GNAO1: variants seen among roughly 807,000 people sequenced by gnomAD.
The protein encoded by GNAO1 is G protein subunit alpha o1, also known as guanine nucleotide-binding protein G(o) subunit alpha.
For missense variants in GNAO1, 166 were observed against 478.7 expected (o/e 0.35, Z 6.10); for synonymous variants, 164 against 180.7 (o/e 0.91, Z 0.74).
intron 2 of GNAO1, among the ~76,000 whole-genome samples, chr16:56,218,342 A>G (rs2036453980): frequency 6.6e-6 from 1 of 152,174 alleles, no homozygotes; most frequent in Non-Finnish European, 1.5e-5. Flanking sequence ...TTGAGGACAG[A>G]CCATCACCCA....
chr16:56,246,276 C>T (rs1210682228), intron 2 of GNAO1, among the ~76,000 whole-genome samples: 2 of 152,216 alleles, frequency 1.3e-5, no homozygotes, highest in African/African-American at 4.8e-5. Context: ...CAGTCGTTAA[C>T]CTTTCTTCAA....
chr16:56,314,641 G>A (rs373775964), intron 3 of GNAO1, among the ~76,000 whole-genome samples: 9 of 152,330 alleles, frequency 5.9e-5, no homozygotes, highest in Middle Eastern at 3.4e-3. Flanking sequence ...TCTGCAGCCC[G>A]GCGCCGAGTC....
At chr16:56,275,895 C>T (rs772342375) in intron 2 of GNAO1, 36 bp from the exon 3 acceptor site, 14 of 1,579,806 alleles carry the variant, frequency 8.9e-6, no homozygotes, top group Admixed American at 5.2e-5. Context: ...GAGGACAATG[C>T]TCTCATCAGG....
chr16:56,220,384 T>C (rs1052395924), intron 2 of GNAO1, among the ~76,000 whole-genome samples: 4 of 152,234 alleles, frequency 2.6e-5, no homozygotes, highest in South Asian at 2.1e-4. Flanking sequence ...CCAGGTTCCC[T>C]GGTAAGTCCA....
intron 3 of GNAO1, among the ~76,000 whole-genome samples, chr16:56,291,695 G>T (rs1358009808): frequency 2.6e-5 from 4 of 152,220 alleles, no homozygotes; most frequent in East Asian, 1.9e-4. Context: ...ACCTTAGAAT[G>T]GGTAATTTAG....
In GNAO1 at chr16:56,225,633, G is replaced by A. The variant is rs1596807490; in HGVS notation, c.161+33017G>A. Among the ~76,000 whole-genome samples, 15 of 152,272 alleles carry A rather than the reference G, an allele frequency of 9.9e-5. No individual in the cohort carries two copies. The South Asian group carries it at 3.1e-3, about 32-fold the overall frequency. On this transcript the variant is annotated intron_variant, in intron 2 of 8. Coordinates refer to ENST00000262493, the MANE Select transcript of GNAO1 (RefSeq NM_020988.3). Reference sequence around the variant, plus strand: ...TAATGGGAGGGTGGAGTTCATTCTGGTGGATAGGGAATCAATAAAACAGGG... The same window carrying A: ...TAATGGGAGGGTGGAGTTCATTCTGATGGATAGGGAATCAATAAAACAGGG...
chr16:56,339,530 G>C (rs1215881326), intron 6 of GNAO1, among the ~76,000 whole-genome samples: 1 of 152,260 alleles, frequency 6.6e-6, no homozygotes, highest in Non-Finnish European at 1.5e-5. Context: ...GGTCAGCGCT[G>C]TGCATCCCTC....
chr16:56,341,889 G>A (rs537753046), intron 6 of GNAO1, among the ~76,000 whole-genome samples: 6 of 152,322 alleles, frequency 3.9e-5, no homozygotes, highest in Non-Finnish European at 7.4e-5. Context: ...CCCTCAGCCC[G>A]ACCTGCCCTG....
chr16:56,256,722 G>C (rs9972771), intron 2 of GNAO1, among the ~76,000 whole-genome samples: 5,019 of 48,860 alleles, frequency 0.1, 105 homozygotes, highest in South Asian at 0.15. Flanking sequence ...CTCTCTCTGT[G>C]TGTGTGTGTG....
intron 3 of GNAO1, among the ~76,000 whole-genome samples, chr16:56,295,097 G>A (rs575050857): frequency 6.6e-6 from 1 of 152,150 alleles, no homozygotes. Flanking sequence ...ATGGTAAATG[G>A]TTTGTTTAAT....
chr16:56,322,294 T>C (rs954378654), intron 3 of GNAO1, among the ~76,000 whole-genome samples: 6 of 152,198 alleles, frequency 3.9e-5, no homozygotes, highest in Non-Finnish European at 8.8e-5. Flanking sequence ...ACATCTCATA[T>C]GGCCTGGGCA....
chr16:56,292,746 T>C (rs1354725935), intron 3 of GNAO1, among the ~76,000 whole-genome samples: 1 of 152,238 alleles, frequency 6.6e-6, no homozygotes, highest in Non-Finnish European at 1.5e-5. Context: ...AGCTCTGCTG[T>C]CCTGTTTGAT....
intron 2 of GNAO1, among the ~76,000 whole-genome samples, chr16:56,269,660 G>A (rs1325589681): frequency 2.0e-5 from 3 of 152,162 alleles, no homozygotes; most frequent in African/African-American, 4.8e-5. Context: ...GAGGAGGAGC[G>A]GCAGTCCAGT....
At chr16:56,343,834 AAAG>A in intron 6 of GNAO1, 2 of 1,575,480 alleles carry the variant, frequency 1.3e-6, no homozygotes, top group Non-Finnish European at 1.7e-6. Flanking sequence ...GTCAGCCCAC[AAAG>A]AGATCTACAC....
chr16:56,304,877 A>G (rs1463605874), intron 3 of GNAO1, among the ~76,000 whole-genome samples: 1 of 152,248 alleles, frequency 6.6e-6, no homozygotes, highest in Non-Finnish European at 1.5e-5. Context: ...ACTCAGCTGA[A>G]TAGGTGGGTG....
At chr16:56,286,494 C>T (rs2037169975) in intron 3 of GNAO1, among the ~76,000 whole-genome samples, 1 of 152,166 alleles carries the variant, frequency 6.6e-6, no homozygotes, top group Non-Finnish European at 1.5e-5. Flanking sequence ...CATCTCTCCA[C>T]TCTGCCGCAC....
chr16:56,274,977 T>C (rs998826324), intron 2 of GNAO1, among the ~76,000 whole-genome samples: 3 of 152,238 alleles, frequency 2.0e-5, no homozygotes, highest in Admixed American at 1.3e-4. Flanking sequence ...CATTTTCTCC[T>C]GCATGAAAGT....
At chr16:56,340,409 G>C (rs2037789807) in intron 6 of GNAO1, 1 of 160,352 alleles carries the variant, frequency 6.2e-6, no homozygotes, top group South Asian at 1.9e-4. Flanking sequence ...TTCCAACCTT[G>C]CTGTCAAAAC....
At chr16:56,195,242 T>A (rs1444518592) in intron 2 of GNAO1, among the ~76,000 whole-genome samples, 13 of 152,154 alleles carry the variant, frequency 8.5e-5, no homozygotes, top group Admixed American at 8.5e-4. Flanking sequence ...AGTTTCTGGT[T>A]CCTGGTTTGC....
Sources: allele counts gnomAD v4.1 joint callset (sites outside exome capture counted in the v4.1 genomes callset), GRCh38; gene constraint gnomAD v4.1.1; transcripts MANE v1.5; gene names NCBI Gene and HGNC (gene_info 2026-07-23, HGNC 2026-07-21).